The following GSK3A variants were observed in gnomAD, a reference collection of about 807,000 sequenced individuals.
GSK3A encodes glycogen synthase kinase 3 alpha.
In GSK3A, 14 loss-of-function variants were observed where a neutral mutation model predicts 56.6. The ratio of observed to expected loss-of-function variants is 0.25; its 90% CI spans 0.16 to 0.39. The LOEUF is 0.39. Among genes scored for constraint, GSK3A ranks in the 10% least tolerant of loss-of-function variants. The probability of loss-of-function intolerance (pLI) is 1.00; values close to 1 mark genes in which losing one functional copy is unlikely to be tolerated. For synonymous variants in GSK3A, 301 were observed against 285.0 expected, an observed-to-expected ratio of 1.06 and a Z score of -0.56; for missense variants, 450 against 656.0, an observed-to-expected ratio of 0.69 and a Z score of 3.43.
chr19:42,241,394 C>G (rs1470162733), intron 1 of GSK3A: 1 of 151,776 alleles, frequency 6.6e-6, no homozygotes, highest in Non-Finnish European at 1.5e-5. Flanking sequence ...TACCTTAGAA[C>G]AATTATTAAA....
intron 10 of GSK3A, among the ~76,000 whole-genome samples, chr19:42,231,728 G>C (rs934896450): frequency 1.3e-5 from 2 of 150,966 alleles, no homozygotes; most frequent in African/African-American, 4.9e-5. Flanking sequence ...AGCCGAGATC[G>C]AGCCACTGCA....
At chr19:42,240,462 T>C in intron 1 of GSK3A, 1 of 545,364 alleles carries the variant, frequency 1.8e-6, no homozygotes, top group Non-Finnish European at 3.3e-6. Flanking sequence ...CTGGGAGACA[T>C]CAGATGTTGA....
intron 10 of GSK3A, among the ~76,000 whole-genome samples, chr19:42,231,146 G>C (rs938379682): frequency 6.6e-6 from 1 of 151,964 alleles, no homozygotes; most frequent in South Asian, 2.1e-4. Flanking sequence ...CAGATCACAA[G>C]GTCAGCAGTT....
At chr19:42,240,556 T>G (rs1158279446) in intron 1 of GSK3A, 1 of 319,582 alleles carries the variant, frequency 3.1e-6, no homozygotes, top group Non-Finnish European at 5.8e-6. Flanking sequence ...CAGGGAGCAG[T>G]AACCCTGAGG....
chr19:42,231,922 G>C, intron 10 of GSK3A, 135 bp downstream of exon 10: 2 of 588,624 alleles, frequency 3.4e-6, no homozygotes, highest in South Asian at 4.2e-5. Flanking sequence ...TTCACATGTT[G>C]TAAGATGTGT....
At chr19:42,238,898 G>A (rs1176334015) in intron 2 of GSK3A, among the ~76,000 whole-genome samples, 1 of 152,058 alleles carries the variant, frequency 6.6e-6, no homozygotes, top group African/African-American at 2.4e-5. Flanking sequence ...GAACCTGGGA[G>A]GCAGAGGTTG....
Position 42,239,930 on chromosome 19 carries a change from C to T in GSK3A, c.471+25G>A, listed in dbSNP as rs765663244. 3 of 1,606,320 alleles carry T rather than the reference C, an allele frequency of 1.9e-6. No individual in the cohort carries two copies. The South Asian group carries it at 3.3e-5, about 18-fold the overall frequency. ...CAGTCACACCCAGTCCCCAAACCTC[C>T]CTGTCCCCATCCCGCCCAAGCTACC... On this transcript the variant is annotated intron_variant, in intron 2 of 10. Transcript: ENST00000222330.
chr19:42,232,091 T>C lies in GSK3A; in HGVS notation c.1344A>G (p.Pro448=), dbSNP rs764220739. 2.5e-6 allele frequency: 4 copies of C among 1,610,012 alleles called. No individual in the cohort carries two copies. Among genetic ancestry groups the C allele is most frequent in the Non-Finnish European group, 3.4e-6 (4 of 1,177,200 alleles). ...ACGGGGTGAGGGTGGTAGTGCCCGC[T>C]GGGGACCTCAAGTGAGGAGGGATGA... The part of the protein sequence containing the change: ...AILIPPHLRS[P]AGTTTLTPSS... The change falls in exon 10 of 11, where the codon CCA becomes CCG. Residue 448 remains proline (P), a synonymous_variant. Coordinates refer to ENST00000222330, the MANE Select transcript of GSK3A (RefSeq NM_019884.3).
At chr19:42,241,942 G>A (rs959766421) in intron 1 of GSK3A, 3 of 385,864 alleles carry the variant, frequency 7.8e-6, no homozygotes, top group African/African-American at 6.2e-5. Context: ...AATAATGGAA[G>A]AACAGAGACT....
chr19:42,231,457 A>G (rs892146354), intron 10 of GSK3A, among the ~76,000 whole-genome samples: 1 of 152,088 alleles, frequency 6.6e-6, no homozygotes, highest in African/African-American at 2.4e-5. Flanking sequence ...AGGAAATCTG[A>G]ATTTTTACAT....
rs1034313318 is a variant in GSK3A, at chr19:42,234,169, C to T, written c.904+184G>A. On this transcript the variant is annotated intron_variant, in intron 6 of 10. Transcript: ENST00000222330. The surrounding 1 kb of genome is among the most constrained non-coding windows in gnomAD (Gnocchi z 5.7). The stretch of plus-strand genomic sequence containing the variant: ...TCCTAGTGGTGCCAGTGCGGGCAGG[C>T]GGCCTCACAGCTCTAAGCTCATCTG... 6.6e-6 allele frequency among the ~76,000 whole-genome samples: 1 copy of T among 152,172 alleles called. No homozygotes were observed.
intron 2 of GSK3A, among the ~76,000 whole-genome samples, chr19:42,238,432 C>G (rs1268168312): frequency 6.7e-6 from 1 of 150,180 alleles, no homozygotes; most frequent in Non-Finnish European, 1.5e-5. Context: ...TCGGTGAAAC[C>G]CCGTCCCTAC....
rs2036232616 is a variant in GSK3A, at chr19:42,232,769, A to C, written c.1099-87T>G. 3.5e-6 allele frequency: 4 copies of C among 1,150,564 alleles called. No homozygotes were observed. In the Middle Eastern group the frequency reaches 8.2e-4, roughly 235 times the overall value. 71.3% of individuals were successfully genotyped at this position (1,150,564 alleles called of 1,614,324 possible). A position where few individuals can be genotyped will look rare whatever the true frequency, so the allele number is the denominator to read the frequency against. Reference sequence around the variant, plus strand: ...ATCTCACTGCCACAGTGCCTGCGGCAAGTTATGACTGGTTGCTTCCCACAC... The same window carrying C: ...ATCTCACTGCCACAGTGCCTGCGGCCAGTTATGACTGGTTGCTTCCCACAC... On this transcript the variant is annotated intron_variant, in intron 8 of 10. Transcript: ENST00000222330.
rs188273923 is a variant in GSK3A at position 42,236,926 on chromosome 19, T to C, written c.487A>G (p.Ile163Val). 6.2e-7 allele frequency: 1 copy of C among 1,611,806 alleles called. No homozygotes were observed. Among genetic ancestry groups the C allele is most frequent in the East Asian group, 2.2e-5 (1 of 44,852 alleles). Residue 163 changes from isoleucine to valine, a missense_variant, in exon 3 of 11, where the codon ATC becomes GTC. By Grantham distance (29) the Ile-to-Val change is conservative. Around this residue, in one of 3 missense-constraint regions of GSK3A, gnomAD observed 144 missense variants for 308.0 expected, o/e 0.47. Transcript: ENST00000222330. Reference sequence around the variant, plus strand: ...TTGCAGTGGTCCAGCTTACGCATGATCTGCAGCTCTCGGTTCTTGAGGGCA... The same window carrying C: ...TTGCAGTGGTCCAGCTTACGCATGACCTGCAGCTCTCGGTTCTTGAGGGCA... ...DKRFKNRELQ[I>V]MRKLDHCNIV...
chr19:42,242,416 G>T lies in GSK3A; in HGVS notation c.50C>A (p.Ala17Glu). 1 of 1,359,758 alleles carries T rather than the reference G, an allele frequency of 7.4e-7. No homozygotes were observed. Among genetic ancestry groups the T allele is most frequent in the Non-Finnish European group, 9.5e-7 (1 of 1,055,602 alleles). 84.2% of individuals were successfully genotyped at this position (1,359,758 alleles called of 1,614,324 possible). A position where few individuals can be genotyped will look rare whatever the true frequency, so the allele number is the denominator to read the frequency against. The change falls in exon 1 of 11, where the codon GCG becomes GAG. Residue 17 changes from alanine (A) to glutamate (E), a missense_variant. Physicochemically the swap from Ala to Glu is moderately radical, Grantham distance 107. Transcript: ENST00000222330. ...GGGCTCCGCGAACGAGCTAGTCCGC[G>T]CCCTGCCCGAGCCCCCAGGGCCGCC... ...SGGGPGGSGR[A>E]RTSSFAEPGG...
chr19:42,242,325 GC>G lies in GSK3A; in HGVS notation c.140del (p.Gly47AlafsTer45). 7.0e-7 allele frequency: 1 copy of G among 1,431,690 alleles called. No individual in the cohort carries two copies. The highest frequency in any genetic ancestry group is 9.1e-7 in the Non-Finnish European group (1 of 1,098,134). 88.7% of individuals were successfully genotyped at this position (1,431,690 alleles called of 1,614,324 possible). A position where few individuals can be genotyped will look rare whatever the true frequency, so the allele number is the denominator to read the frequency against. ...GGSASGPGGT[G>X]GGKASVGAMG... ...TGGCCCCGACAGATGCCTTTCCGCCGCCGGTGCCGCCTGGGCCGGAGGCCGA... is the reference window on the plus strand; with the variant it reads ...TGGCCCCGACAGATGCCTTTCCGCCGCGGTGCCGCCTGGGCCGGAGGCCGA... On this transcript the variant is annotated frameshift_variant, in exon 1 of 11. Coordinates refer to ENST00000222330, the MANE Select transcript of GSK3A (RefSeq NM_019884.3). LOFTEE classifies it high-confidence loss of function.
intron 10 of GSK3A, among the ~76,000 whole-genome samples, chr19:42,231,133 G>T (rs1037026022): frequency 7.9e-5 from 12 of 152,120 alleles, no homozygotes; most frequent in Admixed American, 3.9e-4. Flanking sequence ...AGGCTGAGGT[G>T]GGCAGATCAC....
chr19:42,230,723 G>A lies in GSK3A; in HGVS notation c.*71C>T. 2.6e-6 allele frequency: 3 copies of A among 1,169,346 alleles called. No homozygotes were observed. The highest frequency in any genetic ancestry group is 3.8e-6 in the Non-Finnish European group (3 of 798,390). 72.4% of individuals were successfully genotyped at this position (1,169,346 alleles called of 1,614,324 possible). On this transcript the variant is annotated 3_prime_UTR_variant, in exon 11 of 11. Coordinates refer to ENST00000222330, the MANE Select transcript of GSK3A (RefSeq NM_019884.3). Reference sequence around the variant, plus strand: ...GGCCCAGCCAGGGCAGGAGCTTGATGGGCTATGGCCCCCCTTCCCAGCCCC... The same window carrying A: ...GGCCCAGCCAGGGCAGGAGCTTGATAGGCTATGGCCCCCCTTCCCAGCCCC...
At chr19:42,237,026 G>C in intron 2 of GSK3A, 85 bp from the exon 3 acceptor site, 2 of 905,882 alleles carry the variant, frequency 2.2e-6, no homozygotes, top group South Asian at 2.6e-5. Context: ...ACAACAGCCA[G>C]GCAGCTACTC....
Sources: gnomAD v4.1 joint callset for allele counts (sites outside exome capture counted in the v4.1 genomes callset) on GRCh38, gnomAD v4.1.1 for gene constraint, gnomAD v4.1.1 regional missense constraint, Gnocchi (gnomAD v3.1) non-coding constraint, MANE v1.5 for transcripts, NCBI Gene and HGNC (gene_info 2026-07-23, HGNC 2026-07-21) for gene names.